WWOX: variants seen among roughly 807,000 people sequenced by gnomAD.
WWOX encodes WW domain-containing oxidoreductase.
WWOX carries 69 observed loss-of-function variants against 46.2 expected under a neutral mutation model. The ratio of observed to expected loss-of-function variants is 1.49; its 90% CI spans 1.23 to 1.82. WWOX has a LOEUF of 1.82. Ranked by LOEUF, WWOX falls within the 40% of genes most tolerant of loss-of-function variation. The probability of loss-of-function intolerance (pLI) is 0.00; values close to 1 mark genes in which losing one functional copy is unlikely to be tolerated. For synonymous variants in WWOX, 359 were observed against 202.6 expected (o/e 1.77, Z -6.56); for missense variants, 919 against 542.6 (o/e 1.69, Z -6.89).
chr16:78,552,137 T>G (rs1250889136), intron 8 of WWOX: 2 of 152,142 alleles, frequency 1.3e-5, no homozygotes, highest in Non-Finnish European at 2.9e-5. Flanking sequence ...AGGCAGTCCT[T>G]ACAGGGACCC....
At chr16:78,884,105 C>G (rs1011825316) in intron 8 of WWOX, among the ~76,000 whole-genome samples, 60 of 151,616 alleles carry the variant, frequency 4.0e-4, no homozygotes, top group African/African-American at 1.4e-3. Context: ...ATGGTGAAAC[C>G]CTGTCTCTAC....
rs1031185426 is a variant in WWOX at position 79,020,456 on chromosome 16, G to A, written c.1057-191152G>A. The stretch of plus-strand genomic sequence containing the variant: ...TCAGTTTCTTCATATATAAAATGGG[G>A]ATCATGATAGTCTCTGTCCCAGGGG... On this transcript the variant is annotated intron_variant, in intron 8 of 8. Transcript: ENST00000566780. Among the ~76,000 whole-genome samples the A allele has an allele frequency of 1.3e-5, 2 of 152,132 alleles. 1 individual carries two copies. Among genetic ancestry groups the A allele is most frequent in the Middle Eastern group, 6.3e-3 (2 of 316 alleles).
chr16:78,542,061 C>T (rs562867490), intron 8 of WWOX, among the ~76,000 whole-genome samples: 3 of 136,140 alleles, frequency 2.2e-5, no homozygotes, highest in African/African-American at 5.4e-5. Context: ...ATTGCACAGA[C>T]CCCAGCTTAG....
chr16:78,334,825 C>CACACAG (rs2080845450), intron 5 of WWOX, among the ~76,000 whole-genome samples: 1 of 130,678 alleles, frequency 7.7e-6, no homozygotes, highest in African/African-American at 3.0e-5. Context: ...CACACACACA[C>CACACAG]ACACACATAC....
At chr16:78,500,310 G>A (rs1201714076) in intron 8 of WWOX, among the ~76,000 whole-genome samples, 1 of 152,172 alleles carries the variant, frequency 6.6e-6, no homozygotes, top group Non-Finnish European at 1.5e-5. Flanking sequence ...CGCTTGCCAA[G>A]ATTAAATTGA....
intron 8 of WWOX, among the ~76,000 whole-genome samples, chr16:78,854,313 G>T (rs1209038498): frequency 6.6e-6 from 1 of 152,108 alleles, no homozygotes; most frequent in Non-Finnish European, 1.5e-5. Context: ...TTTGCATGCA[G>T]TTTATCAAAT....
chr16:78,772,712 G>C (rs1567549674), intron 8 of WWOX, among the ~76,000 whole-genome samples: 1 of 152,312 alleles, frequency 6.6e-6, no homozygotes, highest in Admixed American at 6.5e-5. Flanking sequence ...GAGGGGAACA[G>C]AGGCTCAAAG....
intron 8 of WWOX, among the ~76,000 whole-genome samples, chr16:78,689,518 A>G (rs145492148): frequency 6.6e-5 from 10 of 152,302 alleles, no homozygotes; most frequent in African/African-American, 2.2e-4. Context: ...CTGGATCTTC[A>G]TAGTCCAGTC....
chr16:78,367,981 T>C (rs1300522345), intron 5 of WWOX, among the ~76,000 whole-genome samples: 1 of 152,262 alleles, frequency 6.6e-6, no homozygotes, highest in East Asian at 1.9e-4. Flanking sequence ...GGTGTCAAAC[T>C]CCTGATCTTA....
chr16:78,993,148 T>C (rs193002488), intron 8 of WWOX, among the ~76,000 whole-genome samples: 1 of 152,202 alleles, frequency 6.6e-6, no homozygotes, highest in Admixed American at 6.5e-5. Context: ...AGGCAATATG[T>C]CTGATAATTG....
intron 8 of WWOX, among the ~76,000 whole-genome samples, chr16:78,783,698 C>A (rs112912148): frequency 1.1e-3 from 165 of 149,258 alleles, no homozygotes; most frequent in African/African-American, 3.9e-3. Context: ...TGATGATGAT[C>A]ATGGTGATGA....
intron 8 of WWOX, among the ~76,000 whole-genome samples, chr16:78,433,262 G>A (rs2083265050): frequency 6.6e-6 from 1 of 152,230 alleles, no homozygotes; most frequent in Admixed American, 6.5e-5. Flanking sequence ...ATAGCTAGGA[G>A]TGTGTTTTCT....
intron 8 of WWOX, among the ~76,000 whole-genome samples, chr16:78,527,579 C>G (rs941534016): frequency 6.6e-6 from 1 of 152,182 alleles, no homozygotes; most frequent in Non-Finnish European, 1.5e-5. Context: ...CAGGCATGAG[C>G]CATCGCGCCC....
At chr16:78,499,578 C>T (rs569350684) in intron 8 of WWOX, among the ~76,000 whole-genome samples, 3 of 152,368 alleles carry the variant, frequency 2.0e-5, no homozygotes, top group South Asian at 4.1e-4. Flanking sequence ...GGCTTCCTGC[C>T]TCCTGGCCCA....
At chr16:78,892,328 C>T (rs1027308181) in intron 8 of WWOX, 1 of 152,250 alleles carries the variant, frequency 6.6e-6, no homozygotes, top group Non-Finnish European at 1.5e-5. Flanking sequence ...AATCAAATGG[C>T]TTCTGCACCT....
intron 8 of WWOX, among the ~76,000 whole-genome samples, chr16:78,573,063 G>A (rs1490323453): frequency 2.0e-5 from 3 of 152,126 alleles, no homozygotes; most frequent in South Asian, 2.1e-4. Context: ...CAAGGCAGGC[G>A]GATCACGAGG....
At chr16:78,823,933 A>C (rs1051731274) in intron 8 of WWOX, among the ~76,000 whole-genome samples, 2 of 152,058 alleles carry the variant, frequency 1.3e-5, no homozygotes, top group East Asian at 3.9e-4. Context: ...GAGCCACCAT[A>C]CTGGGCTAAT....
chr16:78,666,654 G>C (rs989292755), intron 8 of WWOX, among the ~76,000 whole-genome samples: 1 of 152,172 alleles, frequency 6.6e-6, no homozygotes, highest in African/African-American at 2.4e-5. Context: ...GATTGGCAAG[G>C]TCATCTTGGG....
intron 8 of WWOX, among the ~76,000 whole-genome samples, chr16:78,573,740 G>C (rs186152019): frequency 4.6e-4 from 70 of 152,282 alleles, no homozygotes; most frequent in Admixed American, 4.1e-3. Context: ...AGGTTCACTT[G>C]CTTCCTGTCC....
Sources: gnomAD v4.1 joint callset for allele counts (sites outside exome capture counted in the v4.1 genomes callset) on GRCh38, gnomAD v4.1.1 for gene constraint, MANE v1.5 for transcripts, NCBI Gene and HGNC (gene_info 2026-07-23, HGNC 2026-07-21) for gene names.